The following SMS variants were observed in gnomAD, a reference collection of about 807,000 sequenced individuals.
The protein encoded by SMS is spermine synthase, also known as spermidine aminopropyltransferase.
Under a neutral mutation model 33.0 loss-of-function variants are expected in SMS, and 3 were observed. The observed-to-expected ratio is 0.09, with a 90% CI of 0.04 to 0.23. The LOEUF (loss-of-function observed/expected upper bound fraction) is 0.23, where lower values mean the gene tolerates loss of function less well. SMS is among the 10% of genes least tolerant of loss of function. The pLI is 1.00. For synonymous variants in SMS, 103 were observed against 112.2 expected (o/e 0.92, Z 0.52); for missense variants, 117 against 288.6 (o/e 0.41, Z 4.31).
At chrX:21,944,260 G>A (rs1166177854) in intron 1 of SMS, among the ~76,000 whole-genome samples, 1 of 111,191 alleles carries the variant, frequency 9.0e-6, no homozygotes, top group South Asian at 3.7e-4. Flanking sequence ...TCTTGAGCCC[G>A]AAAAACATTT....
At chrX:21,989,081 A>G (rs1925584636) in intron 9 of SMS, among the ~76,000 whole-genome samples, 1 of 111,092 alleles carries the variant, frequency 9.0e-6, no homozygotes, top group African/African-American at 3.3e-5. Flanking sequence ...TGGTTCTTAC[A>G]TGTATGATTT....
chrX:21,978,402 C>A (rs919858122), intron 6 of SMS, among the ~76,000 whole-genome samples: 1 of 111,295 alleles, frequency 9.0e-6, no homozygotes, highest in South Asian at 3.8e-4. Flanking sequence ...TGGCGAAACC[C>A]TACCTCTACT....
At chrX:21,988,194 G>A (rs913333149) in intron 9 of SMS, among the ~76,000 whole-genome samples, 5 of 112,191 alleles carry the variant, frequency 4.5e-5, no homozygotes, top group African/African-American at 6.5e-5. Context: ...TATGTGGACC[G>A]GCATGTATAG....
At chrX:21,991,711 G>A (rs1602226794) in intron 9 of SMS, among the ~76,000 whole-genome samples, 3 of 112,250 alleles carry the variant, frequency 2.7e-5, no homozygotes, top group Admixed American at 9.5e-5. Context: ...GTACATTAAG[G>A]TGTAAGAAGC....
At chrX:21,981,443 A>G (rs1924938107) in intron 7 of SMS, among the ~76,000 whole-genome samples, 1 of 112,331 alleles carries the variant, frequency 8.9e-6, no homozygotes, top group Non-Finnish European at 1.9e-5. Flanking sequence ...GTATCTAAGA[A>G]TACCCAAGAA....
In SMS at chrX:21,994,451, C is replaced by G. The variant is rs1260738907; in HGVS notation, c.*100C>G. Reference sequence around the variant, plus strand: ...GAGTCAGGCAATTGATTGTGAATTCCTTAAAGTTTTCCTTTTTTTAATAAT... The same window carrying G: ...GAGTCAGGCAATTGATTGTGAATTCGTTAAAGTTTTCCTTTTTTTAATAAT... On this transcript the variant is annotated 3_prime_UTR_variant, in exon 11 of 11. Coordinates refer to ENST00000404933, the MANE Select transcript of SMS (RefSeq NM_004595.5). The G allele has an allele frequency of 8.8e-7, 1 of 1,139,320 alleles. No individual in the cohort carries two copies. The highest frequency in any genetic ancestry group is 1.9e-5 in the African/African-American group (1 of 53,752). The allele number at this position is 1,139,320 out of a possible 1,213,427, so 93.9% of individuals were successfully genotyped here.
At chrX:21,983,587 A>G (rs1444714638) in intron 7 of SMS, among the ~76,000 whole-genome samples, 1 of 111,142 alleles carries the variant, frequency 9.0e-6, no homozygotes, top group Non-Finnish European at 1.9e-5. Flanking sequence ...CTCTTTATTG[A>G]CTCTGATGGT....
At chrX:21,985,570 A>G (rs1199078045) in intron 9 of SMS, among the ~76,000 whole-genome samples, 1 of 111,914 alleles carries the variant, frequency 8.9e-6, no homozygotes, top group Non-Finnish European at 1.9e-5. Flanking sequence ...CTCATTCTCT[A>G]GGGGATTCTA....
chrX:21,953,849 T>C (rs904486603), intron 1 of SMS, among the ~76,000 whole-genome samples: 4 of 110,229 alleles, frequency 3.6e-5, no homozygotes, highest in African/African-American at 1.3e-4. Flanking sequence ...AATAGCTCTT[T>C]GCTTAATTTT....
At chrX:21,971,312 A>T (rs1924144216) in intron 2 of SMS, among the ~76,000 whole-genome samples, 1 of 111,970 alleles carries the variant, frequency 8.9e-6, no homozygotes, top group African/African-American at 3.3e-5. Context: ...GCTGGTCAGA[A>T]AATTTTGTGT....
intron 1 of SMS, among the ~76,000 whole-genome samples, chrX:21,959,273 A>T (rs1302472156): frequency 8.9e-6 from 1 of 112,643 alleles, no homozygotes; most frequent in Admixed American, 9.4e-5. Context: ...TTTTAATTGT[A>T]AACTAGAATT....
intron 1 of SMS, among the ~76,000 whole-genome samples, chrX:21,952,413 GTTTGTTTGTTTT>G (rs1418867446): frequency 3.9e-5 from 3 of 77,385 alleles, no homozygotes; most frequent in African/African-American, 5.2e-5. Flanking sequence ...CACGTTGTTT[GTTTGTTTGTTTT>G]TTTTTTTTTT....
chrX:21,959,743 G>C (rs1923206959), intron 1 of SMS: 1 of 119,709 alleles, frequency 8.4e-6, no homozygotes, highest in African/African-American at 3.2e-5. Context: ...TGCTTTATGT[G>C]TGAAGGGACA....
chrX:21,982,787 C>T (rs1026084339), intron 7 of SMS, among the ~76,000 whole-genome samples: 3 of 112,276 alleles, frequency 2.7e-5, no homozygotes, highest in Non-Finnish European at 5.6e-5. Flanking sequence ...TGCAAGTATT[C>T]GTAAGAATCT....
At chrX:21,960,270 A>G (rs1923250407) in intron 1 of SMS, among the ~76,000 whole-genome samples, 1 of 111,001 alleles carries the variant, frequency 9.0e-6, no homozygotes. Flanking sequence ...ATAGTGAGGT[A>G]TGAAATTTTC....
At chrX:21,940,944 TC>T in intron 1 of SMS, 71 bp downstream of exon 1, 1 of 697,551 alleles carries the variant, frequency 1.4e-6, no homozygotes, top group East Asian at 6.9e-5. Flanking sequence ...GGGGCGGGGG[TC>T]GGGCGTGGCG....
In SMS at chrX:21,980,429, A is replaced by AAAAATAT. The variant is rs1260210326; in HGVS notation, c.750+1464_750+1465insAAATATA. The stretch of plus-strand genomic sequence containing the variant: ...GAGACTGTCTCCAAAAAAAAAAAAA[A>AAAAATAT]ATATATATATATATATATATATATT... On this transcript the variant is annotated intron_variant, in intron 7 of 10. Coordinates refer to ENST00000404933, the MANE Select transcript of SMS (RefSeq NM_004595.5). Among the ~76,000 whole-genome samples, 360 of 63,035 alleles carry AAAAATAT rather than the reference A, an allele frequency of 5.7e-3. 7 individuals carry two copies. The highest frequency in any genetic ancestry group is 0.027 in the East Asian group (41 of 1,534). 54.7% of individuals were successfully genotyped at this position (63,035 alleles called of 115,157 possible).
chrX:21,984,450 GA>G (rs1479843986), intron 8 of SMS, 32 bp downstream of exon 8: 2 of 874,169 alleles, frequency 2.3e-6, no homozygotes, highest in East Asian at 6.2e-5. Flanking sequence ...ATTTATGATG[GA>G]AATGTTTCTC....
intron 4 of SMS, among the ~76,000 whole-genome samples, chrX:21,973,392 G>A (rs887715200): frequency 5.3e-5 from 6 of 112,802 alleles, no homozygotes; most frequent in African/African-American, 1.6e-4. Context: ...AGCTGAGATC[G>A]CACCACTGCG....
Sources: allele counts gnomAD v4.1 joint callset (sites outside exome capture counted in the v4.1 genomes callset), GRCh38; gene constraint gnomAD v4.1.1; transcripts MANE v1.5; gene names NCBI Gene and HGNC (gene_info 2026-07-23, HGNC 2026-07-21).